Variants in KIAA1958 observed in about 807,000 individuals in gnomAD.
KIAA1958 encodes the protein KIAA1958.
KIAA1958 carries 14 observed loss-of-function variants against 47.2 expected under a neutral mutation model. The observed-to-expected ratio is 0.30, with a 90% CI of 0.20 to 0.46. The LOEUF is 0.46. Ranked by LOEUF, KIAA1958 falls within the 20% of genes least tolerant of loss-of-function variation. The pLI, the probability that KIAA1958 is intolerant of heterozygous loss-of-function variation, is 1.00. For missense variants in KIAA1958, 803 were observed against 909.2 expected (o/e 0.88, Z 1.50); for synonymous variants, 354 against 353.3 (o/e 1.00, Z -0.02).
At chr9:112,522,502 A>G (rs924194782) in intron 1 of KIAA1958, among the ~76,000 whole-genome samples, 3 of 152,066 alleles carry the variant, frequency 2.0e-5, no homozygotes, top group Admixed American at 6.5e-5. Context: ...ACTGTGCTGT[A>G]TAGATCTACC....
chr9:112,611,298 C>T (rs1836322836), intron 2 of KIAA1958, among the ~76,000 whole-genome samples: 1 of 151,940 alleles, frequency 6.6e-6, no homozygotes, highest in Non-Finnish European at 1.5e-5. Flanking sequence ...ACCATTTTTG[C>T]AAATGATGTA....
At chr9:112,549,502 CATTT>C (rs1373134865) in intron 1 of KIAA1958, among the ~76,000 whole-genome samples, 5 of 152,150 alleles carry the variant, frequency 3.3e-5, no homozygotes, top group Non-Finnish European at 7.4e-5. Context: ...TTGTTCTATT[CATTT>C]AGTTAGTCCA....
chr9:112,559,123 G>C (rs1036531551), intron 1 of KIAA1958, among the ~76,000 whole-genome samples: 1 of 152,220 alleles, frequency 6.6e-6, no homozygotes, highest in Non-Finnish European at 1.5e-5. Flanking sequence ...AATTGAACCA[G>C]CCCTGCAGGT....
At chr9:112,537,919 C>G (rs1834882571) in intron 1 of KIAA1958, among the ~76,000 whole-genome samples, 1 of 151,834 alleles carries the variant, frequency 6.6e-6, no homozygotes, top group Admixed American at 6.6e-5. Flanking sequence ...TTTGACTAGC[C>G]CAACACAAAT....
At chr9:112,578,727 CAA>C (rs1835690491) in intron 2 of KIAA1958, among the ~76,000 whole-genome samples, 1 of 152,064 alleles carries the variant, frequency 6.6e-6, no homozygotes, top group Non-Finnish European at 1.5e-5. Context: ...TCTTAGCAAA[CAA>C]TGAGTAAAGA....
chr9:112,556,543 C>T (rs1344237198), intron 1 of KIAA1958, among the ~76,000 whole-genome samples: 1 of 152,136 alleles, frequency 6.6e-6, no homozygotes, highest in East Asian at 1.9e-4. Flanking sequence ...CTGTGTTGCC[C>T]AGGCTGTTCT....
At chr9:112,500,779 G>A (rs1587989981) in intron 1 of KIAA1958, among the ~76,000 whole-genome samples, 1 of 152,086 alleles carries the variant, frequency 6.6e-6, no homozygotes, top group East Asian at 1.9e-4. Context: ...GAAAAACGAC[G>A]CACTGATAAA....
At chr9:112,583,045 A>G (rs1051057062) in intron 2 of KIAA1958, among the ~76,000 whole-genome samples, 1 of 152,260 alleles carries the variant, frequency 6.6e-6, no homozygotes, top group Admixed American at 6.5e-5. Context: ...GCAGTGATCT[A>G]GGAAATTCAG....
chr9:112,618,894 A>C lies in KIAA1958; in HGVS notation c.1172-26756A>C, dbSNP rs922661284. On this transcript the variant is annotated intron_variant, in intron 2 of 3. Coordinates refer to ENST00000337530, the MANE Select transcript of KIAA1958 (RefSeq NM_133465.4). This position sits in a 1 kb window ranked among gnomAD's most constrained non-coding sequence, Gnocchi z 7.1. ...AATTTCATCGTCTCCGCCTCCTATGACTCTTCCTCAGACACCGCTTGACCA... is the reference window on the plus strand; with the variant it reads ...AATTTCATCGTCTCCGCCTCCTATGCCTCTTCCTCAGACACCGCTTGACCA... 6.5e-6 allele frequency: 10 copies of C among 1,540,782 alleles called. No individual in the cohort carries two copies. The African/African-American group carries it at 1.2e-4, about 19-fold the overall frequency.
chr9:112,489,583 A>G (rs1162555851), intron 1 of KIAA1958, among the ~76,000 whole-genome samples: 3 of 151,978 alleles, frequency 2.0e-5, no homozygotes, highest in Admixed American at 1.3e-4. Flanking sequence ...ACATATTTTC[A>G]GCTGATTTCC....
chr9:112,561,680 C>A (rs11791531), intron 1 of KIAA1958, among the ~76,000 whole-genome samples: 10,835 of 152,098 alleles, frequency 0.071, 524 homozygotes, highest in Non-Finnish European at 0.1. Context: ...CATAGTGGAA[C>A]CCTGTCTCTA....
intron 2 of KIAA1958, among the ~76,000 whole-genome samples, chr9:112,636,748 T>C (rs1285134915): frequency 1.3e-5 from 2 of 152,198 alleles, no homozygotes; most frequent in Non-Finnish European, 2.9e-5. Context: ...TGAATCTTTA[T>C]GTTCTATTTG....
chr9:112,631,545 A>G (rs1392546391), intron 2 of KIAA1958, among the ~76,000 whole-genome samples: 1 of 151,396 alleles, frequency 6.6e-6, no homozygotes, highest in Non-Finnish European at 1.5e-5. Flanking sequence ...AAAAAAAAAA[A>G]AAAAAAAAAA....
intron 3 of KIAA1958, among the ~76,000 whole-genome samples, chr9:112,654,109 A>G (rs1351231595): frequency 1.3e-5 from 2 of 152,182 alleles, no homozygotes; most frequent in Middle Eastern, 3.2e-3. Flanking sequence ...GGGGAATCGT[A>G]GCTGTCTTCT....
At chr9:112,522,679 CTT>C (rs943271589) in intron 1 of KIAA1958, among the ~76,000 whole-genome samples, 55 of 152,324 alleles carry the variant, frequency 3.6e-4, no homozygotes, top group African/African-American at 1.3e-3. Flanking sequence ...CTTACTTTCA[CTT>C]ACCATATCTA....
intron 1 of KIAA1958, among the ~76,000 whole-genome samples, chr9:112,525,808 G>A (rs937747240): frequency 6.6e-6 from 1 of 150,802 alleles, no homozygotes; most frequent in Non-Finnish European, 1.5e-5. Flanking sequence ...GAACAGACCC[G>A]CAATTTACTG....
At chr9:112,616,918 T>C (rs572626722) in intron 2 of KIAA1958, among the ~76,000 whole-genome samples, 2 of 152,354 alleles carry the variant, frequency 1.3e-5, no homozygotes, top group Admixed American at 1.3e-4. Flanking sequence ...AACCTCATCA[T>C]GAACACAGAG....
intron 1 of KIAA1958, among the ~76,000 whole-genome samples, chr9:112,516,047 ACTGT>A (rs1003596001): frequency 1.2e-4 from 19 of 152,200 alleles, no homozygotes; most frequent in South Asian, 2.1e-4. Context: ...AAGAAGTACA[ACTGT>A]CTGTCTGTAT....
chr9:112,502,147 T>C (rs1236707967), intron 1 of KIAA1958, among the ~76,000 whole-genome samples: 1 of 152,218 alleles, frequency 6.6e-6, no homozygotes, highest in Non-Finnish European at 1.5e-5. Flanking sequence ...CTGATGGGAA[T>C]ATGACATCTT....
Sources: allele counts gnomAD v4.1 joint callset (sites outside exome capture counted in the v4.1 genomes callset), GRCh38; gene constraint gnomAD v4.1.1; non-coding constraint Gnocchi (gnomAD v3.1); transcripts MANE v1.5; gene names NCBI Gene and HGNC (gene_info 2026-07-23, HGNC 2026-07-21).